SLCO3A1: variants seen among roughly 807,000 people sequenced by gnomAD.
SLCO3A1 encodes the protein solute carrier organic anion transporter family member 3A1, also known as PGE1 transporter.
In SLCO3A1, 27 loss-of-function variants were observed where a neutral mutation model predicts 63.1. That is an observed-to-expected ratio of 0.43 (90% CI 0.32 to 0.59). The LOEUF is 0.59. Ranked by LOEUF, SLCO3A1 falls within the 20% of genes least tolerant of loss-of-function variation. The pLI, the probability that SLCO3A1 is intolerant of heterozygous loss-of-function variation, is 0.09. For synonymous variants in SLCO3A1, 473 were observed against 409.9 expected (o/e 1.15, Z -1.86); for missense variants, 773 against 945.8 (o/e 0.82, Z 2.40).
intron 2 of SLCO3A1, among the ~76,000 whole-genome samples, chr15:91,920,607 C>A (rs955783710): frequency 1.4e-4 from 22 of 152,304 alleles, no homozygotes; most frequent in Admixed American, 1.4e-3. Flanking sequence ...AGCAACTGAT[C>A]TGTTGCATCT....
chr15:91,952,514 A>G (rs533389818), intron 2 of SLCO3A1, among the ~76,000 whole-genome samples: 1 of 152,214 alleles, frequency 6.6e-6, no homozygotes. Flanking sequence ...GAGAGTAAAA[A>G]TGGGTGTGGT....
chr15:92,010,040 CAG>C (rs1450315129), intron 2 of SLCO3A1, among the ~76,000 whole-genome samples: 5 of 152,312 alleles, frequency 3.3e-5, no homozygotes, highest in African/African-American at 9.6e-5. Flanking sequence ...CTTGACAGCC[CAG>C]AGTCAAGCAA....
rs2046684949 is a variant in SLCO3A1, at chr15:92,033,720, G to A, written c.647-61161G>A. Among the ~76,000 whole-genome samples the A allele has an allele frequency of 6.6e-6, 1 of 152,156 alleles. No individual in the cohort carries two copies. The highest frequency in any genetic ancestry group is 2.1e-4 in the South Asian group (1 of 4,826). On this transcript the variant is annotated intron_variant, in intron 2 of 9. Transcript: ENST00000318445. This position sits in a 1 kb window ranked among gnomAD's most constrained non-coding sequence, Gnocchi z 4.5. ...GAAGAGTAGGTGGTGGCTCGCTGGTGGCAAAAAAGACGGGGATAGGAGTGT... is the reference window on the plus strand; with the variant it reads ...GAAGAGTAGGTGGTGGCTCGCTGGTAGCAAAAAAGACGGGGATAGGAGTGT...
intron 2 of SLCO3A1, among the ~76,000 whole-genome samples, chr15:91,974,259 A>G (rs1366285570): frequency 1.8e-5 from 2 of 114,058 alleles, no homozygotes; most frequent in Non-Finnish European, 3.7e-5. Flanking sequence ...CACCATTTTC[A>G]TTATTGTTAT....
chr15:92,111,310 T>G (rs1046712855), intron 4 of SLCO3A1, among the ~76,000 whole-genome samples: 4 of 152,256 alleles, frequency 2.6e-5, no homozygotes, highest in Non-Finnish European at 5.9e-5. Context: ...ATTAAAATCC[T>G]GTGCCTTTCA....
At chr15:91,949,002 T>C (rs191516689) in intron 2 of SLCO3A1, among the ~76,000 whole-genome samples, 93 of 152,294 alleles carry the variant, frequency 6.1e-4, no homozygotes, top group African/African-American at 2.2e-3. Flanking sequence ...ATCCCTGGTG[T>C]AAACTTCCCT....
chr15:92,062,051 G>A (rs142451569), intron 2 of SLCO3A1, among the ~76,000 whole-genome samples: 60 of 152,210 alleles, frequency 3.9e-4, no homozygotes, highest in Non-Finnish European at 6.6e-4. Context: ...ATGTTGCCCC[G>A]GGCCCCTCCT....
At chr15:91,924,192 T>C (rs6496870) in intron 2 of SLCO3A1, among the ~76,000 whole-genome samples, 111,433 of 152,172 alleles carry the variant, frequency 0.73, 41,727 homozygotes, top group East Asian at 0.91. Flanking sequence ...GTGCAGCTGA[T>C]GAATGAGAAA....
At chr15:91,989,782 A>G (rs993186499) in intron 2 of SLCO3A1, among the ~76,000 whole-genome samples, 1 of 152,374 alleles carries the variant, frequency 6.6e-6, no homozygotes, top group Admixed American at 6.5e-5. Context: ...ATAGTTATCC[A>G]TAAGCATCTG....
At chr15:91,921,922 A>G (rs996498042) in intron 2 of SLCO3A1, among the ~76,000 whole-genome samples, 1 of 151,700 alleles carries the variant, frequency 6.6e-6, no homozygotes, top group African/African-American at 2.4e-5. Flanking sequence ...TTTAGTAAAG[A>G]CAGGGTTTCG....
chr15:92,140,722 A>T (rs1286057656), intron 7 of SLCO3A1, among the ~76,000 whole-genome samples: 1 of 151,982 alleles, frequency 6.6e-6, no homozygotes. Context: ...TGATCCCTTT[A>T]CCATTATGTA....
chr15:91,974,620 G>T (rs1901025250), intron 2 of SLCO3A1, among the ~76,000 whole-genome samples: 1 of 152,108 alleles, frequency 6.6e-6, no homozygotes, highest in African/African-American at 2.4e-5. Flanking sequence ...GGAGGCGGGA[G>T]GTGGGGTGAG....
rs1327400630 is a variant in SLCO3A1 at position 91,900,389 on chromosome 15, G to A, written c.181-15604G>A. ...CTGTCACACAGGCTGGAGTGCAGTG[G>A]TGTGATCTCAGCTCACTGCAACCTC... On this transcript the variant is annotated intron_variant, in intron 1 of 9. Transcript: ENST00000318445. The surrounding 1 kb of genome is among the most constrained non-coding windows in gnomAD (Gnocchi z 4.3). Among the ~76,000 whole-genome samples the A allele has an allele frequency of 6.6e-6, 1 of 152,224 alleles. No homozygotes were observed. Among genetic ancestry groups the A allele is most frequent in the Non-Finnish European group, 1.5e-5 (1 of 68,042 alleles).
intron 4 of SLCO3A1, among the ~76,000 whole-genome samples, chr15:92,106,615 G>C (rs973133834): frequency 6.6e-6 from 1 of 152,148 alleles, no homozygotes; most frequent in Non-Finnish European, 1.5e-5. Flanking sequence ...GATTGTAAAA[G>C]CTGCACTAGT....
Position 91,863,641 on chromosome 15 carries a change from C to A in SLCO3A1, c.180+9553C>A, listed in dbSNP as rs370772504. ...ACGGTCAAGTTCAGCTTTCCAACCT[C>A]CTCCTGAAATGTAGGAAAGGAGCAT... On this transcript the variant is annotated intron_variant, in intron 1 of 9. Transcript: ENST00000318445. This position sits in a 1 kb window ranked among gnomAD's most constrained non-coding sequence, Gnocchi z 4.3. Among the ~76,000 whole-genome samples the A allele has an allele frequency of 2.6e-5, 4 of 152,308 alleles. No homozygotes were observed. The East Asian group carries it at 7.7e-4, about 29-fold the overall frequency.
At chr15:91,933,633 CAT>C (rs139493008) in intron 2 of SLCO3A1, among the ~76,000 whole-genome samples, 1,855 of 152,290 alleles carry the variant, frequency 0.012, 49 homozygotes, top group African/African-American at 0.043. Flanking sequence ...TAATAGCAAA[CAT>C]GTGGCACTCT....
chr15:92,128,390 C>T lies in SLCO3A1; in HGVS notation c.1413C>T (p.Cys471=). ...PGSALDPYSP[C]NNNCECQTDS... ...CAGCCCTGGACCCCTACTCGCCCTGCAATAATAACTGTGAATGCCAAACCG... is the reference window on the plus strand; with the variant it reads ...CAGCCCTGGACCCCTACTCGCCCTGTAATAATAACTGTGAATGCCAAACCG... Residue 471 remains cysteine, a synonymous_variant, in exon 7 of 10, where the codon TGC becomes TGT. Transcript: ENST00000318445. The T allele has an allele frequency of 6.2e-7, 1 of 1,614,140 alleles. No individual in the cohort carries two copies. The highest frequency in any genetic ancestry group is 8.5e-7 in the Non-Finnish European group (1 of 1,180,014).
intron 7 of SLCO3A1, among the ~76,000 whole-genome samples, chr15:92,145,428 C>T (rs1207175015): frequency 6.7e-6 from 1 of 149,824 alleles, no homozygotes; most frequent in Admixed American, 6.7e-5. Flanking sequence ...TTAGTTTCAT[C>T]TACGTCTCAG....
chr15:91,943,332 C>T (rs1024315857), intron 2 of SLCO3A1, among the ~76,000 whole-genome samples: 3 of 152,216 alleles, frequency 2.0e-5, no homozygotes, highest in Non-Finnish European at 2.9e-5. Flanking sequence ...TGGAACCCTA[C>T]AGTATCTGTC....
Sources: allele counts gnomAD v4.1 joint callset (sites outside exome capture counted in the v4.1 genomes callset), GRCh38; gene constraint gnomAD v4.1.1; non-coding constraint Gnocchi (gnomAD v3.1); transcripts MANE v1.5; gene names NCBI Gene and HGNC (gene_info 2026-07-23, HGNC 2026-07-21).